Variants in CTNNA1 observed in about 807,000 individuals in gnomAD.
The protein encoded by CTNNA1 is catenin alpha 1, also known as catenin alpha-1.
Under a neutral mutation model 98.4 loss-of-function variants are expected in CTNNA1, and 37 were observed. That is an observed-to-expected ratio of 0.38 (90% confidence interval 0.29 to 0.49). CTNNA1 has a LOEUF of 0.49. CTNNA1 is among the 20% of genes least tolerant of loss of function. The pLI, the probability that CTNNA1 is intolerant of heterozygous loss-of-function variation, is 0.95. For missense variants in CTNNA1, 761 were observed against 1,147.2 expected (o/e 0.66, Z 4.86); for synonymous variants, 404 against 413.2 (o/e 0.98, Z 0.27).
intron 9 of CTNNA1, among the ~76,000 whole-genome samples, chr5:138,894,565 G>T (rs866890534): frequency 1.3e-5 from 2 of 151,932 alleles, no homozygotes; most frequent in African/African-American, 4.8e-5. Flanking sequence ...GAGCCACTGC[G>T]CCTGGTCTAC....
chr5:138,903,459 G>C (rs899872619), intron 9 of CTNNA1, among the ~76,000 whole-genome samples: 2 of 152,108 alleles, frequency 1.3e-5, no homozygotes, highest in Non-Finnish European at 2.9e-5. Context: ...TCTCAGTACC[G>C]TGTATTCAGT....
intron 7 of CTNNA1, among the ~76,000 whole-genome samples, chr5:138,866,800 T>C (rs1764826180): frequency 6.6e-6 from 1 of 152,236 alleles, no homozygotes; most frequent in South Asian, 2.1e-4. Flanking sequence ...AAAACAAGTA[T>C]TGAGGATAAA....
chr5:138,798,567 AG>A (rs1757212131), intron 3 of CTNNA1, among the ~76,000 whole-genome samples: 1 of 152,174 alleles, frequency 6.6e-6, no homozygotes, highest in Admixed American at 6.6e-5. Flanking sequence ...GGTTGCTTTC[AG>A]GGGAATTTAC....
chr5:138,769,764 C>G (rs895857229), intron 1 of CTNNA1, among the ~76,000 whole-genome samples: 1 of 152,038 alleles, frequency 6.6e-6, no homozygotes, highest in South Asian at 2.1e-4. Context: ...AACTCCCGAC[C>G]TCAGGTGATC....
chr5:138,769,469 A>G (rs866547830), intron 1 of CTNNA1, among the ~76,000 whole-genome samples: 19 of 151,468 alleles, frequency 1.3e-4, no homozygotes, highest in African/African-American at 3.4e-4. Flanking sequence ...GCTCACTGCA[A>G]CCTCCGCCTC....
At chr5:138,866,554 G>C (rs75868570) in intron 7 of CTNNA1, among the ~76,000 whole-genome samples, 1,696 of 152,250 alleles carry the variant, frequency 0.011, 27 homozygotes, top group African/African-American at 0.039. Flanking sequence ...CTGCCCATCA[G>C]GGTTGCTGTT....
chr5:138,760,487 C>G (rs1219726982), intron 1 of CTNNA1, among the ~76,000 whole-genome samples: 1 of 151,946 alleles, frequency 6.6e-6, no homozygotes, highest in African/African-American at 2.4e-5. Context: ...GCCTCAGCCT[C>G]CTGAGTAGCT....
intron 1 of CTNNA1, among the ~76,000 whole-genome samples, chr5:138,756,374 T>C (rs933720979): frequency 1.3e-5 from 2 of 152,010 alleles, no homozygotes; most frequent in Non-Finnish European, 2.9e-5. Context: ...ATCATATTGG[T>C]GAGTCTGGTC....
At chr5:138,878,814 C>G (rs548003846) in intron 7 of CTNNA1, among the ~76,000 whole-genome samples, 7 of 152,172 alleles carry the variant, frequency 4.6e-5, no homozygotes, top group Non-Finnish European at 8.8e-5. Context: ...TCATACCCAG[C>G]TCCAAAAATT....
intron 7 of CTNNA1, among the ~76,000 whole-genome samples, chr5:138,834,216 A>C (rs780211440): frequency 6.6e-6 from 1 of 152,206 alleles, no homozygotes. Flanking sequence ...TGTTGTGGCT[A>C]CACTTTTCTT....
At chr5:138,867,591 C>T (rs181580694) in intron 7 of CTNNA1, among the ~76,000 whole-genome samples, 43 of 152,246 alleles carry the variant, frequency 2.8e-4, no homozygotes, top group Non-Finnish European at 4.0e-4. Flanking sequence ...GATTTCCTCC[C>T]ACCTGTGATA....
chr5:138,756,521 G>A (rs895056342), intron 1 of CTNNA1, among the ~76,000 whole-genome samples: 2 of 152,162 alleles, frequency 1.3e-5, no homozygotes, highest in African/African-American at 4.8e-5. Context: ...CTGATTGTTG[G>A]GGGTAGTGTT....
In CTNNA1 at chr5:138,904,344, T is replaced by C. The variant is rs2150140026; in HGVS notation, c.1297-5T>C. 1.9e-6 allele frequency: 3 copies of C among 1,611,604 alleles called. No individual in the cohort carries two copies. The highest frequency in any genetic ancestry group is 2.5e-6 in the Non-Finnish European group (3 of 1,179,156). On this transcript the variant is annotated splice_region_variant and splice_polypyrimidine_tract_variant and intron_variant, in intron 9 of 17. Transcript: ENST00000302763. ...ATCTTTAAAGATTATTTTTTATGTT[T>C]ATAGGTTGCCAACTTGGCCTGTTCC...
At chr5:138,779,529 G>A (rs1433900568) in intron 1 of CTNNA1, among the ~76,000 whole-genome samples, 1 of 150,796 alleles carries the variant, frequency 6.6e-6, no homozygotes, top group Non-Finnish European at 1.5e-5. Flanking sequence ...GAAATGGTCC[G>A]TTTTTTAAAA....
intron 1 of CTNNA1, among the ~76,000 whole-genome samples, chr5:138,767,698 T>G (rs528462965): frequency 6.6e-6 from 1 of 152,344 alleles, no homozygotes; most frequent in East Asian, 1.9e-4. Context: ...TGACCATTGT[T>G]AACATTTTTC....
chr5:138,922,255 TCA>T (rs937835171), intron 11 of CTNNA1, among the ~76,000 whole-genome samples: 1 of 152,198 alleles, frequency 6.6e-6, no homozygotes, highest in Non-Finnish European at 1.5e-5. Context: ...TAGGGGAGTG[TCA>T]CAAATATTTG....
chr5:138,924,490 A>C lies in CTNNA1; in HGVS notation c.1547-20A>C. 6.2e-7 allele frequency: 1 copy of C among 1,613,562 alleles called. No homozygotes were observed. Among genetic ancestry groups the C allele is most frequent in the Non-Finnish European group, 8.5e-7 (1 of 1,179,738 alleles). On this transcript the variant is annotated intron_variant, in intron 11 of 17. Transcript: ENST00000302763. ...CATAGAAAGCCTCCTTCCTCATTCA[A>C]CTTTTTGCTTGTTCTCCAGAGAATC...
rs1758174626 is a variant in CTNNA1 at position 138,902,132 on chromosome 5, G to A, written c.1297-2217G>A. Among the ~76,000 whole-genome samples the A allele has an allele frequency of 2.0e-5, 3 of 152,298 alleles. No individual in the cohort carries two copies. The South Asian group carries it at 6.2e-4, about 32-fold the overall frequency. On this transcript the variant is annotated intron_variant, in intron 9 of 17. Coordinates refer to ENST00000302763, the MANE Select transcript of CTNNA1 (RefSeq NM_001903.5). Reference sequence around the variant, plus strand: ...CTTCCATAACCTTTGTTTTGTTAGTGTTTGTAATCATGAAACAGAAAAGAT... The same window carrying A: ...CTTCCATAACCTTTGTTTTGTTAGTATTTGTAATCATGAAACAGAAAAGAT...
intron 9 of CTNNA1, among the ~76,000 whole-genome samples, chr5:138,903,414 T>C (rs1039693598): frequency 6.6e-6 from 1 of 152,318 alleles, no homozygotes; most frequent in East Asian, 1.9e-4. Flanking sequence ...GCCTTTATCA[T>C]TCATAACTCA....
Sources: gnomAD v4.1 joint callset for allele counts (sites outside exome capture counted in the v4.1 genomes callset) on GRCh38, gnomAD v4.1.1 for gene constraint, MANE v1.5 for transcripts, NCBI Gene and HGNC (gene_info 2026-07-23, HGNC 2026-07-21) for gene names.